Variants in USP6NL observed in about 807,000 individuals in gnomAD.
USP6NL encodes the protein USP6 N-terminal-like protein.
A neutral mutation model predicts 61.9 loss-of-function variants in USP6NL; 26 were observed. The ratio of observed to expected loss-of-function variants is 0.42; its 90% confidence interval spans 0.31 to 0.58. USP6NL has a LOEUF of 0.58. Among genes scored for constraint, USP6NL ranks in the 20% least tolerant of loss-of-function variants. The pLI is 0.16. For synonymous variants in USP6NL, 432 were observed against 390.1 expected, an observed-to-expected ratio of 1.11 and a Z score of -1.27; for missense variants, 1,114 against 1,034.3, an observed-to-expected ratio of 1.08 and a Z score of -1.06.
chr10:11,523,344 G>A (rs1486002491), intron 4 of USP6NL, among the ~76,000 whole-genome samples: 1 of 152,226 alleles, frequency 6.6e-6, no homozygotes, highest in African/African-American at 2.4e-5. Context: ...TATCACAAGT[G>A]TGGAAAAATC....
At chr10:11,601,578 T>C (rs2133680616) in intron 1 of USP6NL, among the ~76,000 whole-genome samples, 1 of 152,328 alleles carries the variant, frequency 6.6e-6, no homozygotes, top group African/African-American at 2.4e-5. Context: ...ACCAAAACTT[T>C]TCCAATGAAA....
Position 11,485,949 on chromosome 10 carries a change from T to C in USP6NL, c.665-38A>G. 3 of 1,368,590 alleles carry C rather than the reference T, an allele frequency of 2.2e-6. No individual in the cohort carries two copies. The highest frequency in any genetic ancestry group is 3.0e-6 in the Non-Finnish European group (3 of 1,002,680). 84.8% of individuals were successfully genotyped at this position (1,368,590 alleles called of 1,614,324 possible). A position where few individuals can be genotyped will look rare whatever the true frequency, so the allele number is the denominator to read the frequency against. ...CATAAAAACAACATTTCATAAACAA[T>C]ACCAACAAAACCCTCCAATCTTAAA... On this transcript the variant is annotated intron_variant, in intron 10 of 14. Coordinates refer to ENST00000609104, the MANE Select transcript of USP6NL (RefSeq NM_014688.5). This position sits in a 1 kb window ranked among gnomAD's most constrained non-coding sequence, Gnocchi z 4.8.
chr10:11,554,650 G>C (rs1331291705), intron 2 of USP6NL, among the ~76,000 whole-genome samples: 5 of 151,728 alleles, frequency 3.3e-5, no homozygotes, highest in Admixed American at 3.3e-4. Flanking sequence ...TTTGCTGCCT[G>C]CAAGAAGTTA....
chr10:11,509,738 ACTT>A, intron 5 of USP6NL, 63 bp from the exon 6 acceptor site: 1 of 1,353,244 alleles, frequency 7.4e-7, no homozygotes, highest in Non-Finnish European at 1.0e-6. Context: ...GTTATAAAAA[ACTT>A]CAAAGAAAAT....
Position 11,585,432 on chromosome 10 carries a change from A to G in USP6NL, c.4+12199T>C, listed in dbSNP as rs1420959294. 6.6e-6 allele frequency among the ~76,000 whole-genome samples: 1 copy of G among 152,156 alleles called. No homozygotes were observed. Among genetic ancestry groups the G allele is most frequent in the Non-Finnish European group, 1.5e-5 (1 of 68,018 alleles). On this transcript the variant is annotated intron_variant, in intron 2 of 14. Transcript: ENST00000609104. The surrounding 1 kb of genome is among the most constrained non-coding windows in gnomAD (Gnocchi z 4.5). The stretch of plus-strand genomic sequence containing the variant: ...CAGCAGCATAATTCGCAACAGCCAA[A>G]AGGTGGAAGCACGAGGTCAGGAGAT...
intron 2 of USP6NL, among the ~76,000 whole-genome samples, chr10:11,560,447 A>C (rs914148605): frequency 1.3e-5 from 2 of 152,088 alleles, no homozygotes; most frequent in African/African-American, 4.8e-5. Flanking sequence ...GTCAAGAATC[A>C]TCTTACTAGT....
chr10:11,491,389 T>C lies in USP6NL; in HGVS notation c.495-509A>G, dbSNP rs767385267. Among the ~76,000 whole-genome samples the C allele has an allele frequency of 1.1e-4, 16 of 152,202 alleles. No individual in the cohort carries two copies. The highest frequency in any genetic ancestry group is 2.1e-4 in the Non-Finnish European group (14 of 68,032). On this transcript the variant is annotated intron_variant, in intron 8 of 14. Coordinates refer to ENST00000609104, the MANE Select transcript of USP6NL (RefSeq NM_014688.5). The surrounding 1 kb of genome is among the most constrained non-coding windows in gnomAD (Gnocchi z 4.7). ...GTAGGAGTGGCTCCACTCATCATTC[T>C]CTCTAGAGATCCACTAGCAAAGCGT... is the stretch of plus-strand genomic sequence containing the variant.
Position 11,525,536 on chromosome 10 carries a change from G to C in USP6NL, c.73-68C>G. The stretch of plus-strand genomic sequence containing the variant: ...AACTGAATAATTTTTTAAAATAAAA[G>C]GACGAAGAAATAAGAGCTATTTTTA... On this transcript the variant is annotated intron_variant, in intron 3 of 14. Coordinates refer to ENST00000609104, the MANE Select transcript of USP6NL (RefSeq NM_014688.5). This position sits in a 1 kb window ranked among gnomAD's most constrained non-coding sequence, Gnocchi z 5.0. 1.5e-6 allele frequency: 2 copies of C among 1,351,170 alleles called. No homozygotes were observed. The highest frequency in any genetic ancestry group is 2.0e-6 in the Non-Finnish European group (2 of 1,000,734). 83.7% of individuals were successfully genotyped at this position (1,351,170 alleles called of 1,614,324 possible). A position where few individuals can be genotyped will look rare whatever the true frequency, so the allele number is the denominator to read the frequency against.
At chr10:11,571,649 T>C (rs536428107) in intron 2 of USP6NL, among the ~76,000 whole-genome samples, 1 of 147,420 alleles carries the variant, frequency 6.8e-6, no homozygotes, top group African/African-American at 2.5e-5. Context: ...AGAACTGAAT[T>C]TTTTTTTTTA....
chr10:11,501,008 T>G (rs1231611989), intron 7 of USP6NL, 93 bp downstream of exon 7: 1 of 946,064 alleles, frequency 1.1e-6, no homozygotes, highest in Non-Finnish European at 1.5e-6. Context: ...TAATTTTAAG[T>G]GATCATATGA....
chr10:11,566,876 C>G (rs1837181405), intron 2 of USP6NL, among the ~76,000 whole-genome samples: 1 of 152,180 alleles, frequency 6.6e-6, no homozygotes, highest in Non-Finnish European at 1.5e-5. Flanking sequence ...CTTTGGGAGG[C>G]CAAGGCAGGA....
At chr10:11,507,126 A>G (rs772992421) in intron 6 of USP6NL, among the ~76,000 whole-genome samples, 1 of 152,248 alleles carries the variant, frequency 6.6e-6, no homozygotes, top group Non-Finnish European at 1.5e-5. Context: ...TGTCAGAATA[A>G]TAGCCCAGTA....
At position 11,463,747 on chromosome 10, in the gene USP6NL, C is replaced by G; in HGVS notation, c.1181G>C (p.Arg394Pro). 1 of 1,592,220 alleles carries G rather than the reference C, an allele frequency of 6.3e-7. No homozygotes were observed. The highest frequency in any genetic ancestry group is 1.3e-5 in the African/African-American group (1 of 74,424). The change falls in exon 15 of 15, where the codon CGG becomes CCG. Residue 394 changes from arginine (R) to proline (P), a missense_variant. Coordinates refer to ENST00000609104, the MANE Select transcript of USP6NL (RefSeq NM_014688.5). This position sits in a 1 kb window ranked among gnomAD's most constrained non-coding sequence, Gnocchi z 6.3. ...HLSNGQRSVG[R>P]PSPLASGRRE... Reference sequence around the variant, plus strand: ...CCTGCCGCTGGCCAGCGGGCTCGGCCGGCCCACGCTCCTCTGTCCGTTGCT... The same window carrying G: ...CCTGCCGCTGGCCAGCGGGCTCGGCGGGCCCACGCTCCTCTGTCCGTTGCT...
intron 2 of USP6NL, among the ~76,000 whole-genome samples, chr10:11,555,433 A>AAAAAAAAAAAATAT (rs1275798295): frequency 4.5e-4 from 22 of 48,942 alleles, no homozygotes; most frequent in Admixed American, 1.2e-3. Flanking sequence ...AAAAAAAAAA[A>AAAAAAAAAAAATAT]ATATATATAT....
intron 13 of USP6NL, among the ~76,000 whole-genome samples, chr10:11,483,042 T>G (rs1833270137): frequency 6.6e-6 from 1 of 152,242 alleles, no homozygotes; most frequent in African/African-American, 2.4e-5. Context: ...TACATTATTA[T>G]AAATTATAGT....
In USP6NL at chr10:11,562,096, T is replaced by C. The variant is rs139814494; in HGVS notation, c.5-34529A>G. ...GAGTTTAAGACCAGCCTGGCCAACA[T>C]AGTGAAACTCCGTCTCTACTAAAAA... On this transcript the variant is annotated intron_variant, in intron 2 of 14. Coordinates refer to ENST00000609104, the MANE Select transcript of USP6NL (RefSeq NM_014688.5). The surrounding 1 kb of genome is among the most constrained non-coding windows in gnomAD (Gnocchi z 4.8). 1.2e-3 allele frequency among the ~76,000 whole-genome samples: 186 copies of C among 152,150 alleles called. 1 individual carries two copies. Among genetic ancestry groups the C allele is most frequent in the African/African-American group, 4.3e-3 (180 of 41,520 alleles).
At position 11,520,217 on chromosome 10, in the gene USP6NL, C is replaced by T. The variant is rs563157615; in HGVS notation, c.156-1643G>A. On this transcript the variant is annotated intron_variant, in intron 4 of 14. Coordinates refer to ENST00000609104, the MANE Select transcript of USP6NL (RefSeq NM_014688.5). The surrounding 1 kb of genome is among the most constrained non-coding windows in gnomAD (Gnocchi z 5.2). ...AGAAAAGGGACGGAGGCTGAGAAAA[C>T]GATTCTCAAGAAGAAACGAAACTGG... 1.6e-4 allele frequency among the ~76,000 whole-genome samples: 25 copies of T among 152,248 alleles called. No individual in the cohort carries two copies. The Middle Eastern group carries it at 0.01, about 62-fold the overall frequency.
At chr10:11,557,153 ACTT>A (rs1394918166) in intron 2 of USP6NL, among the ~76,000 whole-genome samples, 3 of 152,192 alleles carry the variant, frequency 2.0e-5, no homozygotes, top group Non-Finnish European at 4.4e-5. Context: ...TGTTTTCTAA[ACTT>A]CTAAATTTCT....
rs1838092839 is a variant in USP6NL at position 11,589,587 on chromosome 10, G to T, written c.4+8044C>A. Among the ~76,000 whole-genome samples the T allele has an allele frequency of 6.6e-6, 1 of 152,042 alleles. No individual in the cohort carries two copies. Among genetic ancestry groups the T allele is most frequent in the Non-Finnish European group, 1.5e-5 (1 of 67,996 alleles). On this transcript the variant is annotated intron_variant, in intron 2 of 14. Coordinates refer to ENST00000609104, the MANE Select transcript of USP6NL (RefSeq NM_014688.5). This position sits in a 1 kb window ranked among gnomAD's most constrained non-coding sequence, Gnocchi z 4.7. ...AAGCAAATATATTCTCCCTTACCTT[G>T]CAAGTACTAGAACATAACTAGGTTC...
Sources: allele counts gnomAD v4.1 joint callset (sites outside exome capture counted in the v4.1 genomes callset), GRCh38; gene constraint gnomAD v4.1.1; non-coding constraint Gnocchi (gnomAD v3.1); transcripts MANE v1.5; gene names NCBI Gene and HGNC (gene_info 2026-07-23, HGNC 2026-07-21).